BIRC6: variants seen among roughly 807,000 people sequenced by gnomAD.
BIRC6 encodes baculoviral IAP repeat containing 6.
Under a neutral mutation model 503.3 loss-of-function variants are expected in BIRC6, and 98 were observed. The ratio of observed to expected loss-of-function variants is 0.19; its 90% CI spans 0.17 to 0.23. The LOEUF is 0.23. BIRC6 is among the 10% of genes least tolerant of loss of function. The pLI is 1.00. For missense variants in BIRC6, 5,360 were observed against 5,806.0 expected, an observed-to-expected ratio of 0.92 and a Z score of 2.50; for synonymous variants, 2,240 against 2,078.7, an observed-to-expected ratio of 1.08 and a Z score of -2.11.
In BIRC6 at chr2:32,430,383, T is replaced by G. The variant is rs577599615; in HGVS notation, c.3023-482T>G. Among the ~76,000 whole-genome samples the G allele has an allele frequency of 2.4e-4, 36 of 152,334 alleles. 1 individual carries two copies. In the South Asian group the frequency reaches 5.8e-3, roughly 25 times the overall value. ...CAGAAATAGAAAAAACAATTTAATT[T>G]TTCAGTTTGTAAGTATTTCTTTACC... On this transcript the variant is annotated intron_variant, in intron 11 of 73. Coordinates refer to ENST00000421745, the MANE Select transcript of BIRC6 (RefSeq NM_016252.4).
At chr2:32,548,145 A>T in intron 64 of BIRC6, 131 bp downstream of exon 64, 1 of 699,234 alleles carries the variant, frequency 1.4e-6, no homozygotes, top group Non-Finnish European at 2.2e-6. Context: ...TTCCCAGTGC[A>T]TTCTAAGATA....
At chr2:32,615,309 TTCTC>T (rs1389767894) in intron 73 of BIRC6, among the ~76,000 whole-genome samples, 1 of 152,212 alleles carries the variant, frequency 6.6e-6, no homozygotes, top group African/African-American at 2.4e-5. Flanking sequence ...AGATTTTTCT[TTCTC>T]CTTCCCTGGT....
intron 6 of BIRC6, among the ~76,000 whole-genome samples, chr2:32,396,883 A>G (rs2149659535): frequency 6.6e-6 from 1 of 151,886 alleles, no homozygotes; most frequent in South Asian, 2.1e-4. Context: ...GTGGGCCACC[A>G]CACCCGGCTG....
chr2:32,529,617 G>A lies in BIRC6; in HGVS notation c.11921-34G>A, dbSNP rs773494404. ...TAAACCAAGTAAATGTTTCTTTCTC[G>A]GTTTCCAGATTTAACTTAGTTATAT... On this transcript the variant is annotated intron_variant, in intron 59 of 73. Coordinates refer to ENST00000421745, the MANE Select transcript of BIRC6 (RefSeq NM_016252.4). 1.8e-5 allele frequency: 26 copies of A among 1,452,206 alleles called. No homozygotes were observed. In the East Asian group the frequency reaches 5.4e-4, roughly 30 times the overall value. 90.0% of individuals were successfully genotyped at this position (1,452,206 alleles called of 1,614,324 possible). A position where few individuals can be genotyped will look rare whatever the true frequency, so the allele number is the denominator to read the frequency against.
chr2:32,468,350 G>A (rs534220102), intron 28 of BIRC6, 87 bp from the exon 29 acceptor site: 5 of 1,194,110 alleles, frequency 4.2e-6, no homozygotes, highest in East Asian at 4.8e-5. Flanking sequence ...ATGTTAACAG[G>A]TTTAAGAGAT....
In BIRC6 at chr2:32,508,191, T is replaced by C. The variant is rs926124114; in HGVS notation, c.9912T>C (p.Phe3304=). 1 of 1,613,570 alleles carries C rather than the reference T, an allele frequency of 6.2e-7. No homozygotes were observed. The highest frequency in any genetic ancestry group is 8.5e-7 in the Non-Finnish European group (1 of 1,179,766). The change falls in exon 51 of 74, where the codon TTT becomes TTC. Residue 3304 remains phenylalanine (F), a synonymous_variant. Coordinates refer to ENST00000421745, the MANE Select transcript of BIRC6 (RefSeq NM_016252.4). ...SQIKLLGLTA[F]GTTSSATVNN... ...TTAAATTATTGGGGCTCACTGCTTT[T>C]GGTACCACCTCTTCTGCAACAGTTA...
intron 4 of BIRC6, among the ~76,000 whole-genome samples, chr2:32,391,745 G>A (rs2039259996): frequency 6.6e-6 from 1 of 152,106 alleles, no homozygotes; most frequent in Non-Finnish European, 1.5e-5. Context: ...GGTACTTTCT[G>A]TTATAGTTTG....
chr2:32,477,596 T>C lies in BIRC6; in HGVS notation c.7068+13T>C. 1.2e-6 allele frequency: 2 copies of C among 1,608,170 alleles called. No individual in the cohort carries two copies. The highest frequency in any genetic ancestry group is 1.7e-6 in the Non-Finnish European group (2 of 1,175,560). On this transcript the variant is annotated intron_variant, in intron 35 of 73. Transcript: ENST00000421745. The stretch of plus-strand genomic sequence containing the variant: ...GTTTGTTTGTAAGGTATGTAAACTA[T>C]AAGTGTAGACTTACAGGGTTGGCCG...
At chr2:32,384,939 T>G (rs1261797225) in intron 3 of BIRC6, among the ~76,000 whole-genome samples, 1 of 152,202 alleles carries the variant, frequency 6.6e-6, no homozygotes, top group Non-Finnish European at 1.5e-5. Context: ...TCATAGACCT[T>G]TGTTTTTGAC....
At chr2:32,407,644 A>C (rs576036690) in intron 9 of BIRC6, among the ~76,000 whole-genome samples, 3 of 152,234 alleles carry the variant, frequency 2.0e-5, no homozygotes, top group South Asian at 4.1e-4. Flanking sequence ...AGTTCAAAAA[A>C]ATTATAGTTA....
chr2:32,495,788 A>C (rs2052370905), intron 45 of BIRC6, among the ~76,000 whole-genome samples: 1 of 135,700 alleles, frequency 7.4e-6, no homozygotes, highest in Non-Finnish European at 1.5e-5. Context: ...TTTCAGGATG[A>C]AGTTTTTTTT....
chr2:32,361,509 T>C (rs932757044), intron 1 of BIRC6, among the ~76,000 whole-genome samples: 2 of 152,210 alleles, frequency 1.3e-5, no homozygotes, highest in African/African-American at 4.8e-5. Flanking sequence ...TCCGTGATCT[T>C]AGCACTAACA....
intron 22 of BIRC6, among the ~76,000 whole-genome samples, chr2:32,450,507 T>G (rs1328681083): frequency 2.6e-5 from 4 of 152,188 alleles, no homozygotes; most frequent in East Asian, 1.9e-4. Context: ...TCTCATTGTG[T>G]TGTTCCTCAT....
At chr2:32,599,416 G>A (rs1164883270) in intron 69 of BIRC6, among the ~76,000 whole-genome samples, 1 of 151,924 alleles carries the variant, frequency 6.6e-6, no homozygotes, top group African/African-American at 2.4e-5. Flanking sequence ...TATGCAAGCG[G>A]ATCACTTGAG....
At position 32,618,295 on chromosome 2, in the gene BIRC6, T is replaced by G. The variant is rs746414783; in HGVS notation, c.*391T>G. 1 of 153,962 alleles carries G rather than the reference T, an allele frequency of 6.5e-6. No individual in the cohort carries two copies. Among genetic ancestry groups the G allele is most frequent in the Admixed American group, 6.5e-5 (1 of 15,450 alleles). The allele number at this position is 153,962 out of a possible 1,614,324, so 9.5% of individuals were successfully genotyped here. On this transcript the variant is annotated 3_prime_UTR_variant, in exon 74 of 74. Transcript: ENST00000421745. ...ATATATTGGTCATTCTTACAACTAC[T>G]ATTTAAAGTCAGCAACTTTTCACTG...
chr2:32,414,328 A>G (rs1287633147), intron 9 of BIRC6, among the ~76,000 whole-genome samples: 2 of 152,146 alleles, frequency 1.3e-5, no homozygotes, highest in South Asian at 2.1e-4. Flanking sequence ...AGTTAGTTGA[A>G]TCCGTGGATG....
intron 59 of BIRC6, chr2:32,528,238 T>TA (rs2056440666): frequency 6.6e-6 from 1 of 152,522 alleles, no homozygotes; most frequent in Non-Finnish European, 1.5e-5. Context: ...TTTTTTTTTT[T>TA]TTGAGACGTA....
At chr2:32,538,982 G>A (rs1278093471) in intron 61 of BIRC6, among the ~76,000 whole-genome samples, 3 of 152,122 alleles carry the variant, frequency 2.0e-5, no homozygotes, top group East Asian at 1.9e-4. Context: ...AAAAGCAAAC[G>A]TTTGTCAGAA....
chr2:32,361,218 G>C (rs1046122551), intron 1 of BIRC6, among the ~76,000 whole-genome samples: 2 of 151,958 alleles, frequency 1.3e-5, no homozygotes, highest in Admixed American at 6.6e-5. Context: ...TACAGGTTTG[G>C]GCCACCGCGC....
Sources: gnomAD v4.1 joint callset for allele counts (sites outside exome capture counted in the v4.1 genomes callset) on GRCh38, gnomAD v4.1.1 for gene constraint, MANE v1.5 for transcripts, NCBI Gene and HGNC (gene_info 2026-07-23, HGNC 2026-07-21) for gene names.